VPS4B: variants seen among roughly 807,000 people sequenced by gnomAD.
VPS4B encodes vacuolar protein sorting 4 homolog B.
A neutral mutation model predicts 56.1 loss-of-function variants in VPS4B; 23 were observed. The ratio of observed to expected loss-of-function variants is 0.41; its 90% CI spans 0.30 to 0.58. The LOEUF is 0.58. Among genes scored for constraint, VPS4B ranks in the 20% least tolerant of loss-of-function variants. The probability of loss-of-function intolerance (pLI) is 0.29; values close to 1 mark genes in which losing one functional copy is unlikely to be tolerated. For missense variants in VPS4B, 372 were observed against 531.9 expected, an observed-to-expected ratio of 0.70 and a Z score of 2.96; for synonymous variants, 177 against 186.0, an observed-to-expected ratio of 0.95 and a Z score of 0.39.
In VPS4B at chr18:63,398,249, C is replaced by G. The variant is rs890530534; in HGVS notation, c.872+993G>C. Among the ~76,000 whole-genome samples, 3 of 149,766 alleles carry G rather than the reference C, an allele frequency of 2.0e-5. No homozygotes were observed. The South Asian group carries it at 6.2e-4, about 31-fold the overall frequency. On this transcript the variant is annotated intron_variant, in intron 8 of 10. Coordinates refer to ENST00000238497, the MANE Select transcript of VPS4B (RefSeq NM_004869.4). ...TTTTTTTTTGAGATGGAGTCTCACTCTGTTGCCCAAGCTGGAGTGCAGTGG... is the reference window on the plus strand; with the variant it reads ...TTTTTTTTTGAGATGGAGTCTCACTGTGTTGCCCAAGCTGGAGTGCAGTGG...
intron 1 of VPS4B, chr18:63,416,223 C>A: frequency 4.8e-6 from 1 of 206,384 alleles, no homozygotes. Context: ...AACACTTTCT[C>A]CTTATTCATG....
intron 3 of VPS4B, among the ~76,000 whole-genome samples, chr18:63,407,954 G>A (rs1239424409): frequency 6.6e-6 from 1 of 152,088 alleles, no homozygotes; most frequent in Admixed American, 6.5e-5. Flanking sequence ...CTTAGTCTGG[G>A]GATTCCAAAG....
chr18:63,414,083 C>T (rs1444283859), intron 1 of VPS4B, among the ~76,000 whole-genome samples: 1 of 152,138 alleles, frequency 6.6e-6, no homozygotes, highest in African/African-American at 2.4e-5. Flanking sequence ...TGCACTCCAG[C>T]CTGGGTGACA....
At chr18:63,414,179 C>T (rs1328997006) in intron 1 of VPS4B, among the ~76,000 whole-genome samples, 1 of 151,404 alleles carries the variant, frequency 6.6e-6, no homozygotes, top group Non-Finnish European at 1.5e-5. Context: ...GTCAGGAGTT[C>T]GAGACCAGCC....
intron 1 of VPS4B, chr18:63,416,062 G>A (rs1008853154): frequency 3.2e-5 from 6 of 188,344 alleles, no homozygotes; most frequent in African/African-American, 1.4e-4. Flanking sequence ...CATCACTGGT[G>A]ACACCAGTGG....
chr18:63,400,400 T>G, intron 6 of VPS4B, 147 bp downstream of exon 6: 1 of 1,114,570 alleles, frequency 9.0e-7, no homozygotes, highest in Non-Finnish European at 1.2e-6. Context: ...AAAGAAATTC[T>G]AGATTAGAGA....
chr18:63,411,651 G>A, intron 1 of VPS4B, 73 bp from the exon 2 acceptor site: 3 of 992,416 alleles, frequency 3.0e-6, no homozygotes. Context: ...TAATCATACT[G>A]AAAGTTTTTT....
At chr18:63,406,435 T>G (rs1915918828) in intron 4 of VPS4B, among the ~76,000 whole-genome samples, 1 of 152,224 alleles carries the variant, frequency 6.6e-6, no homozygotes, top group Non-Finnish European at 1.5e-5. Flanking sequence ...TTGGCTCAGG[T>G]AAGTATTTTC....
chr18:63,406,432 A>G (rs1275172978), intron 4 of VPS4B, among the ~76,000 whole-genome samples: 1 of 152,272 alleles, frequency 6.6e-6, no homozygotes, highest in Non-Finnish European at 1.5e-5. Flanking sequence ...AGTTTGGCTC[A>G]GGTAAGTATT....
At chr18:63,392,461 T>G (rs1461668501) in intron 10 of VPS4B, among the ~76,000 whole-genome samples, 1 of 152,038 alleles carries the variant, frequency 6.6e-6, no homozygotes, top group Non-Finnish European at 1.5e-5. Flanking sequence ...GTTGTTGTTG[T>G]TTTTTGAGAC....
At chr18:63,412,561 A>C (rs554134359) in intron 1 of VPS4B, among the ~76,000 whole-genome samples, 1 of 152,350 alleles carries the variant, frequency 6.6e-6, no homozygotes, top group East Asian at 1.9e-4. Context: ...CTTTTTAAGA[A>C]GTGGTGCTAG....
Position 63,390,585 on chromosome 18 carries a change from A to C in VPS4B, c.*390T>G, listed in dbSNP as rs183983701. 3.3e-3 allele frequency: 513 copies of C among 153,536 alleles called. 2 individuals are homozygous for C. Among genetic ancestry groups the C allele is most frequent in the Non-Finnish European group, 5.2e-3 (357 of 68,592 alleles). The allele number at this position is 153,536 out of a possible 1,614,324, so 9.5% of individuals were successfully genotyped here. On this transcript the variant is annotated 3_prime_UTR_variant, in exon 11 of 11. Coordinates refer to ENST00000238497, the MANE Select transcript of VPS4B (RefSeq NM_004869.4). ...TACATTGATAAGAATGATGTTTAAC[A>C]ATTTTTTTGAAAATATAAAATAAAC... is the stretch of plus-strand genomic sequence containing the variant.
At chr18:63,417,662 T>G (rs9957865) in intron 1 of VPS4B, among the ~76,000 whole-genome samples, 10,923 of 151,844 alleles carry the variant, frequency 0.072, 653 homozygotes, top group African/African-American at 0.17. Flanking sequence ...CATGCATATG[T>G]TTTTTTTGTT....
At chr18:63,399,473 A>G (rs1915762258) in intron 7 of VPS4B, 150 bp from the exon 8 acceptor site, 1 of 650,844 alleles carries the variant, frequency 1.5e-6, no homozygotes, top group Non-Finnish European at 2.6e-6. Flanking sequence ...ATTTAATCAA[A>G]TATCACCTTA....
chr18:63,422,012 C>G (rs1438341675), intron 1 of VPS4B, among the ~76,000 whole-genome samples: 1 of 152,200 alleles, frequency 6.6e-6, no homozygotes, highest in African/African-American at 2.4e-5. Flanking sequence ...AGTGAAGAGT[C>G]TCACAAAGCC....
intron 3 of VPS4B, among the ~76,000 whole-genome samples, chr18:63,409,914 T>C (rs1299481192): frequency 6.6e-6 from 1 of 152,232 alleles, no homozygotes; most frequent in Non-Finnish European, 1.5e-5. Flanking sequence ...GTACTATTCC[T>C]ACAAGCATTC....
chr18:63,417,661 GTTTT>G (rs1004097856), intron 1 of VPS4B, among the ~76,000 whole-genome samples: 24 of 151,336 alleles, frequency 1.6e-4, no homozygotes, highest in African/African-American at 5.8e-4. Context: ...GCATGCATAT[GTTTT>G]TTTTGTTTTT....
chr18:63,408,551 C>T (rs1915966569), intron 3 of VPS4B, among the ~76,000 whole-genome samples: 1 of 152,180 alleles, frequency 6.6e-6, no homozygotes, highest in South Asian at 2.1e-4. Context: ...AAGGTGGGGG[C>T]TGCTCACAAG....
chr18:63,393,707 T>C, intron 9 of VPS4B, 158 bp from the exon 10 acceptor site: 1 of 797,146 alleles, frequency 1.3e-6, no homozygotes, highest in Non-Finnish European at 1.8e-6. Flanking sequence ...AAAAAGTAGT[T>C]ATCCCCTGGG....
Sources: gnomAD v4.1 joint callset for allele counts (sites outside exome capture counted in the v4.1 genomes callset) on GRCh38, gnomAD v4.1.1 for gene constraint, MANE v1.5 for transcripts, NCBI Gene and HGNC (gene_info 2026-07-23, HGNC 2026-07-21) for gene names.